MYO16: variants seen among roughly 807,000 people sequenced by gnomAD.
MYO16 encodes myosin XVI, also known as unconventional myosin-XVI.
MYO16 carries 94 observed loss-of-function variants against 205.3 expected under a neutral mutation model. The observed-to-expected ratio is 0.46, with a 90% CI of 0.39 to 0.54. The LOEUF (loss-of-function observed/expected upper bound fraction) is 0.54, where lower values mean the gene tolerates loss of function less well. Ranked by LOEUF, MYO16 falls within the 20% of genes least tolerant of loss-of-function variation. MYO16 has a pLI of 0.00. For synonymous variants in MYO16, 988 were observed against 954.0 expected, an observed-to-expected ratio of 1.04 and a Z score of -0.66; for missense variants, 2,315 against 2,387.5, an observed-to-expected ratio of 0.97 and a Z score of 0.63.
chr13:108,941,638 C>T (rs1044419524), intron 16 of MYO16, among the ~76,000 whole-genome samples: 1 of 141,662 alleles, frequency 7.1e-6, no homozygotes, highest in African/African-American at 2.7e-5. Flanking sequence ...AATCGCACCA[C>T]TGCACTCCAG....
intron 5 of MYO16, among the ~76,000 whole-genome samples, chr13:108,791,475 T>C (rs1886614069): frequency 6.6e-6 from 1 of 152,164 alleles, no homozygotes; most frequent in African/African-American, 2.4e-5. Flanking sequence ...TTTTATGTGT[T>C]TTAACTTACT....
At chr13:108,707,973 A>G (rs1391751062) in intron 2 of MYO16, among the ~76,000 whole-genome samples, 1 of 152,184 alleles carries the variant, frequency 6.6e-6, no homozygotes, top group Non-Finnish European at 1.5e-5. Context: ...AAACTCAGCT[A>G]AAGCAATGGT....
chr13:108,729,217 G>A (rs7997115), intron 4 of MYO16, among the ~76,000 whole-genome samples: 10,527 of 151,742 alleles, frequency 0.069, 1,067 homozygotes, highest in African/African-American at 0.22. Context: ...CTAAATTGCC[G>A]GTTCACCATA....
chr13:108,655,506 A>C (rs1023909642), intron 1 of MYO16, among the ~76,000 whole-genome samples: 2 of 152,182 alleles, frequency 1.3e-5, no homozygotes, highest in African/African-American at 2.4e-5. Context: ...CAGCTAGGGC[A>C]GTGTGGAAGG....
At chr13:109,046,869 C>T in intron 23 of MYO16, 47 bp from the exon 24 acceptor site, 1 of 1,439,724 alleles carries the variant, frequency 6.9e-7, no homozygotes, top group Non-Finnish European at 9.7e-7. Flanking sequence ...TTTATTTTCA[C>T]AGTCATGTTG....
At position 108,943,200 on chromosome 13, in the gene MYO16, C is replaced by T. The variant is rs545286822; in HGVS notation, c.1926-14488C>T. 2.4e-4 allele frequency among the ~76,000 whole-genome samples: 37 copies of T among 152,256 alleles called. No individual in the cohort carries two copies. In the Middle Eastern group the frequency reaches 0.017, roughly 70 times the overall value. On this transcript the variant is annotated intron_variant, in intron 16 of 34. Transcript: ENST00000457511. ...CATAAACACTGTATTTTTACCTGTCCACACTAGGAAAATTAATTGGTGGTT... is the reference window on the plus strand; with the variant it reads ...CATAAACACTGTATTTTTACCTGTCTACACTAGGAAAATTAATTGGTGGTT...
chr13:108,949,068 A>C (rs952996164), intron 16 of MYO16, among the ~76,000 whole-genome samples: 1 of 152,236 alleles, frequency 6.6e-6, no homozygotes, highest in African/African-American at 2.4e-5. Flanking sequence ...CAATAAATTT[A>C]ACTTGTAATG....
chr13:109,017,273 A>C (rs2139505877), intron 22 of MYO16, among the ~76,000 whole-genome samples: 1 of 152,258 alleles, frequency 6.6e-6, no homozygotes, highest in African/African-American at 2.4e-5. Flanking sequence ...TCTTTTCTTT[A>C]AGAATGTTGA....
chr13:108,620,689 C>T (rs1879506913), intron 1 of MYO16, among the ~76,000 whole-genome samples: 1 of 152,204 alleles, frequency 6.6e-6, no homozygotes, highest in Non-Finnish European at 1.5e-5. Context: ...ACCTTTTGGT[C>T]GATGATGGGA....
chr13:108,729,720 G>C (rs761861893), intron 4 of MYO16, among the ~76,000 whole-genome samples: 14 of 152,144 alleles, frequency 9.2e-5, no homozygotes, highest in Non-Finnish European at 1.9e-4. Context: ...CTGGACACAG[G>C]CTTCAGTTTC....
chr13:109,118,983 C>T (rs1166460541), intron 28 of MYO16, among the ~76,000 whole-genome samples: 1 of 152,126 alleles, frequency 6.6e-6, no homozygotes. Flanking sequence ...AAGAGCTTTC[C>T]CCATTGATCT....
intron 10 of MYO16, among the ~76,000 whole-genome samples, chr13:108,845,147 A>T (rs1308578937): frequency 6.6e-6 from 1 of 152,180 alleles, no homozygotes; most frequent in Non-Finnish European, 1.5e-5. Flanking sequence ...TCTTCAGTGT[A>T]TCTAATTTTT....
At chr13:108,745,859 A>C (rs1303316095) in intron 4 of MYO16, among the ~76,000 whole-genome samples, 1 of 152,152 alleles carries the variant, frequency 6.6e-6, no homozygotes, top group African/African-American at 2.4e-5. Flanking sequence ...TAAAGAAACC[A>C]AAGGAACTCT....
At chr13:109,115,519 C>T (rs1305878199) in intron 28 of MYO16, among the ~76,000 whole-genome samples, 1 of 152,104 alleles carries the variant, frequency 6.6e-6, no homozygotes, top group African/African-American at 2.4e-5. Flanking sequence ...ACATTTTAAC[C>T]TCTCCTTTTC....
At chr13:108,793,348 G>A (rs1177243522) in intron 5 of MYO16, among the ~76,000 whole-genome samples, 168 bp from the exon 6 acceptor site, 1 of 151,526 alleles carries the variant, frequency 6.6e-6, no homozygotes, top group African/African-American at 2.4e-5. Context: ...ACTATAGTTG[G>A]AAATAGAATA....
chr13:109,028,157 T>C (rs558204103), intron 23 of MYO16, among the ~76,000 whole-genome samples: 1 of 151,960 alleles, frequency 6.6e-6, no homozygotes, highest in African/African-American at 2.4e-5. Flanking sequence ...TTTCTGGCCC[T>C]TCTTATGACA....
At chr13:109,151,606 C>A (rs986729273) in intron 32 of MYO16, among the ~76,000 whole-genome samples, 9 of 152,170 alleles carry the variant, frequency 5.9e-5, no homozygotes, top group African/African-American at 2.2e-4. Context: ...CAAAATCAAA[C>A]ATAACCCTTC....
intron 32 of MYO16, among the ~76,000 whole-genome samples, chr13:109,159,492 C>CT (rs1878259791): frequency 6.6e-6 from 1 of 152,210 alleles, no homozygotes; most frequent in Admixed American, 6.5e-5. Context: ...GTTCATTCAT[C>CT]TTTTTTCTTT....
chr13:108,955,014 G>C (rs1883294624), intron 16 of MYO16, among the ~76,000 whole-genome samples: 1 of 152,168 alleles, frequency 6.6e-6, no homozygotes, highest in South Asian at 2.1e-4. Flanking sequence ...CTCCGCAGCT[G>C]TGTCCCTTCT....
Sources: gnomAD v4.1 joint callset for allele counts (sites outside exome capture counted in the v4.1 genomes callset) on GRCh38, gnomAD v4.1.1 for gene constraint, MANE v1.5 for transcripts, NCBI Gene and HGNC (gene_info 2026-07-23, HGNC 2026-07-21) for gene names.